The following PSMD13 variants were observed in gnomAD, a reference collection of about 807,000 sequenced individuals.
PSMD13 encodes the protein proteasome 26S subunit, non-ATPase 13.
Under a neutral mutation model 57.4 loss-of-function variants are expected in PSMD13, and 8 were observed. The ratio of observed to expected loss-of-function variants is 0.14; its 90% confidence interval spans 0.08 to 0.25. The LOEUF is 0.25. Ranked by LOEUF, PSMD13 falls within the 10% of genes least tolerant of loss-of-function variation. The probability of loss-of-function intolerance (pLI) is 1.00; values close to 1 mark genes in which losing one functional copy is unlikely to be tolerated. For synonymous variants in PSMD13, 193 were observed against 168.2 expected (o/e 1.15, Z -1.14); for missense variants, 400 against 461.5 (o/e 0.87, Z 1.22).
At chr11:249,138 C>T in intron 9 of PSMD13, 81 bp downstream of exon 9, 1 of 1,571,644 alleles carries the variant, frequency 6.4e-7, no homozygotes, top group African/African-American at 1.3e-5. Flanking sequence ...AGCGTCTTCC[C>T]TAGGCACACA....
At chr11:241,690 G>C (rs891455748) in intron 2 of PSMD13, among the ~76,000 whole-genome samples, 18 of 152,078 alleles carry the variant, frequency 1.2e-4, no homozygotes, top group Admixed American at 9.2e-4. Flanking sequence ...GAGTGAGTCT[G>C]GTTCGTTACC....
rs1590255329 is a variant in PSMD13 at position 251,703 on chromosome 11, T to C, written c.918+77T>C. The C allele has an allele frequency of 6.5e-7, 1 of 1,543,830 alleles. No homozygotes were observed. Among genetic ancestry groups the C allele is most frequent in the East Asian group, 2.2e-5 (1 of 44,488 alleles). On this transcript the variant is annotated intron_variant, in intron 11 of 12. Coordinates refer to ENST00000532097, the MANE Select transcript of PSMD13 (RefSeq NM_002817.4). This position sits in a 1 kb window ranked among gnomAD's most constrained non-coding sequence, Gnocchi z 4.6. ...AGTCAAGGCTCTTGTGTGAGCGCTG[T>C]GCTCCCTAGACAGTAAAAAATGACG...
intron 9 of PSMD13, 61 bp downstream of exon 9, chr11:249,118 A>C: frequency 1.3e-6 from 2 of 1,594,978 alleles, no homozygotes; most frequent in East Asian, 2.2e-5. Context: ...CATACAACAG[A>C]TGTTCATTGA....
Position 248,886 on chromosome 11 carries a change from C to T in PSMD13, c.648+31C>T, listed in dbSNP as rs367937186. 188 of 1,614,084 alleles carry T rather than the reference C, an allele frequency of 1.2e-4. 3 individuals carry two copies. The highest frequency in any genetic ancestry group is 1.1e-3 in the South Asian group (103 of 91,080). ...TTGACCCTGAGCTCAGCTTCCTTAA[C>T]GAGAGAGACTAAAGTGTTACTAGCT... On this transcript the variant is annotated intron_variant, in intron 8 of 12. Transcript: ENST00000532097.
At position 249,076 on chromosome 11, in the gene PSMD13, C is replaced by T. The variant is rs1414553271; in HGVS notation, c.774+19C>T. On this transcript the variant is annotated intron_variant, in intron 9 of 12. Transcript: ENST00000532097. ...CCAGCAGGTAGGACTCCCACGATGC[C>T]CAGCCCTTATTCCCCCATGTATCTA... 41 of 1,608,770 alleles carry T rather than the reference C, an allele frequency of 2.5e-5. No individual in the cohort carries two copies. The highest frequency in any genetic ancestry group is 3.3e-5 in the Non-Finnish European group (39 of 1,179,980).
Position 240,101 on chromosome 11 carries a change from CTTTTTTTT to C in PSMD13, c.174+1045_174+1052del, listed in dbSNP as rs60869932. The stretch of plus-strand genomic sequence containing the variant: ...GTGGGAAAATGATAAATGAGACCTG[CTTTTTTTT>C]TTTTTTTTTTTTTTTTTTTGACGGA... On this transcript the variant is annotated intron_variant, in intron 2 of 12. Transcript: ENST00000532097. Among the ~76,000 whole-genome samples, 314 of 51,426 alleles carry C rather than the reference CTTTTTTTT, an allele frequency of 6.1e-3. 2 individuals carry two copies. The highest frequency in any genetic ancestry group is 7.4e-3 in the Non-Finnish European group (219 of 29,648). The allele number at this position is 51,426 out of a possible 152,430, so 33.7% of individuals were successfully genotyped here. A position where few individuals can be genotyped will look rare whatever the true frequency, so the allele number is the denominator to read the frequency against.
chr11:250,692 T>C, intron 9 of PSMD13, 111 bp from the exon 10 acceptor site: 1 of 897,744 alleles, frequency 1.1e-6, no homozygotes, highest in Non-Finnish European at 1.8e-6. Flanking sequence ...TTGGATCTGC[T>C]TAGCTGGTTT....
intron 1 of PSMD13, 91 bp downstream of exon 1, chr11:237,235 G>C: frequency 7.8e-7 from 1 of 1,275,332 alleles, no homozygotes; most frequent in South Asian, 1.4e-5. Context: ...GATGGGCTGA[G>C]GGCGCCCAGA....
At position 247,361 on chromosome 11, in the gene PSMD13, A is replaced by G; in HGVS notation, c.481A>G (p.Lys161Glu). The G allele has an allele frequency of 6.2e-7, 1 of 1,614,166 alleles. No homozygotes were observed. The highest frequency in any genetic ancestry group is 8.5e-7 in the Non-Finnish European group (1 of 1,179,974). Residue 161 changes from lysine to glutamate, a missense_variant, in exon 7 of 13, where the codon AAA becomes GAA. By Grantham distance (56) the Lys-to-Glu change is moderately conservative. Transcript: ENST00000532097. ...VHSRFYDLSS[K>E]YYQTIGNHAS... ...CAGTCGTTTCTATGATCTCTCCAGT[A>G]AATACTATCAAACAATCGGAAACCA...
intron 4 of PSMD13, 77 bp downstream of exon 4, chr11:244,293 G>A: frequency 1.3e-6 from 2 of 1,587,876 alleles, no homozygotes; most frequent in South Asian, 1.2e-5. Context: ...CTGAACTTTT[G>A]TGTTTTCTGT....
chr11:251,656 CA>C lies in PSMD13; in HGVS notation c.918+31del. The C allele has an allele frequency of 1.3e-6, 2 of 1,593,026 alleles. No individual in the cohort carries two copies. The highest frequency in any genetic ancestry group is 1.7e-4 in the Middle Eastern group (1 of 6,016). ...GGTCCCTAGGCTCAGGGTGTTAGAGCAGCAAAGCTGCCACATGGAGGAGTCA... is the reference window on the plus strand; with the variant it reads ...GGTCCCTAGGCTCAGGGTGTTAGAGCGCAAAGCTGCCACATGGAGGAGTCA... On this transcript the variant is annotated intron_variant, in intron 11 of 12. Transcript: ENST00000532097. The surrounding 1 kb of genome is among the most constrained non-coding windows in gnomAD (Gnocchi z 4.6).
chr11:245,770 T>C (rs191815591), intron 6 of PSMD13, among the ~76,000 whole-genome samples: 5 of 56,262 alleles, frequency 8.9e-5, no homozygotes, highest in African/African-American at 5.5e-4. Context: ...AAGAAAATAT[T>C]GGGGGTAAGG....
In PSMD13 at chr11:252,591, C is replaced by A. The variant is rs761512597; in HGVS notation, c.1122C>A (p.Ile374=). 1 of 1,614,018 alleles carries A rather than the reference C, an allele frequency of 6.2e-7. No homozygotes were observed. The highest frequency in any genetic ancestry group is 1.3e-5 in the African/African-American group (1 of 74,924). The change falls in exon 13 of 13, where the codon ATC becomes ATA. Residue 374 remains isoleucine, a synonymous_variant. Transcript: ENST00000532097. The surrounding 1 kb of genome is among the most constrained non-coding windows in gnomAD (Gnocchi z 4.1). ...EMLVEHQAHD[I]LT ...TGGTGGAGCACCAGGCCCATGACAT[C>A]CTCACCTAGGGCCCCCTGGTTCCCC... is the stretch of plus-strand genomic sequence containing the variant.
intron 7 of PSMD13, chr11:247,754 A>C: frequency 4.8e-6 from 1 of 207,978 alleles, no homozygotes; most frequent in Non-Finnish European, 9.7e-6. Context: ...AATCACTTGA[A>C]CTCGGGAGGT....
chr11:245,404 T>C (rs942420210), intron 6 of PSMD13, among the ~76,000 whole-genome samples: 4 of 152,208 alleles, frequency 2.6e-5, no homozygotes, highest in African/African-American at 9.7e-5. Flanking sequence ...TGACTCCACA[T>C]GGCCTCAGTC....
At chr11:237,175 C>G in intron 1 of PSMD13, 31 bp downstream of exon 1, 2 of 1,585,892 alleles carry the variant, frequency 1.3e-6, no homozygotes, top group Non-Finnish European at 1.7e-6. Flanking sequence ...CCCTGGGCCC[C>G]GGCGATAGAG....
intron 7 of PSMD13, 47 bp from the exon 8 acceptor site, chr11:248,729 C>T: frequency 6.4e-7 from 1 of 1,555,628 alleles, no homozygotes; most frequent in Non-Finnish European, 8.9e-7. Context: ...CTAAACAGGA[C>T]TGATTATTAT....
In PSMD13 at chr11:252,254, G is replaced by A. The variant is rs1386411103; in HGVS notation, c.1036-251G>A. The A allele has an allele frequency of 1.9e-6, 1 of 523,052 alleles. No homozygotes were observed. Among genetic ancestry groups the A allele is most frequent in the Admixed American group, 3.2e-5 (1 of 31,076 alleles). 32.4% of individuals were successfully genotyped at this position (523,052 alleles called of 1,614,324 possible). On this transcript the variant is annotated intron_variant, in intron 12 of 12. Transcript: ENST00000532097. This position sits in a 1 kb window ranked among gnomAD's most constrained non-coding sequence, Gnocchi z 4.1. ...AGCTCACGTCGCTCTTACATTTGCT[G>A]GAAATGCGATCCTGTGGATTTCCTC... is the stretch of plus-strand genomic sequence containing the variant.
chr11:244,397 G>C lies in PSMD13; in HGVS notation c.266-29G>C, dbSNP rs909051190. 1.9e-6 allele frequency: 3 copies of C among 1,603,192 alleles called. No individual in the cohort carries two copies. The African/African-American group carries it at 4.0e-5, about 22-fold the overall frequency. The stretch of plus-strand genomic sequence containing the variant: ...GGTTAGCAGAAACCAGTCTGTTGAT[G>C]GTCCTTCTGATTGTTCCTTCTTTTC... On this transcript the variant is annotated intron_variant, in intron 4 of 12. Transcript: ENST00000532097.
Sources: gnomAD v4.1 joint callset for allele counts (sites outside exome capture counted in the v4.1 genomes callset) on GRCh38, gnomAD v4.1.1 for gene constraint, Gnocchi (gnomAD v3.1) non-coding constraint, MANE v1.5 for transcripts, NCBI Gene and HGNC (gene_info 2026-07-23, HGNC 2026-07-21) for gene names.